Variants in GEMIN2 observed in about 807,000 individuals in gnomAD.
GEMIN2 encodes gem-associated protein 2.
In GEMIN2, 37 loss-of-function variants were observed where a neutral mutation model predicts 45.8. The ratio of observed to expected loss-of-function variants is 0.81; its 90% CI spans 0.62 to 1.06. The LOEUF is 1.06. Among genes scored for constraint, GEMIN2 ranks in the 50% least tolerant of loss-of-function variants. The pLI is 0.00. For missense variants in GEMIN2, 335 were observed against 321.8 expected, an observed-to-expected ratio of 1.04 and a Z score of -0.31; for synonymous variants, 101 against 111.5, an observed-to-expected ratio of 0.91 and a Z score of 0.60.
chr14:39,134,871 C>T (rs2052763221), intron 9 of GEMIN2, among the ~76,000 whole-genome samples: 1 of 152,190 alleles, frequency 6.6e-6, no homozygotes, highest in South Asian at 2.1e-4. Context: ...TAATACCTAC[C>T]TCATCTGTTG....
At chr14:39,127,090 CT>C (rs35988558) in intron 6 of GEMIN2, among the ~76,000 whole-genome samples, 144 of 124,552 alleles carry the variant, frequency 1.2e-3, no homozygotes, top group South Asian at 1.6e-3. Flanking sequence ...ACAAATACAT[CT>C]TTTTTTTTTT....
At chr14:39,129,472 A>G (rs1413332180) in intron 7 of GEMIN2, among the ~76,000 whole-genome samples, 2 of 151,968 alleles carry the variant, frequency 1.3e-5, no homozygotes, top group African/African-American at 4.8e-5. Context: ...GGAGTGCAGT[A>G]GCGCGATCTC....
At chr14:39,126,024 A>G (rs1300394935) in intron 6 of GEMIN2, among the ~76,000 whole-genome samples, 6 of 152,090 alleles carry the variant, frequency 3.9e-5, no homozygotes, top group Non-Finnish European at 7.4e-5. Context: ...TGTCTCAAAA[A>G]AAAAAAAAAG....
In GEMIN2 at chr14:39,118,460, T is replaced by C. The variant is rs1182521321; in HGVS notation, c.313-80T>C. The C allele has an allele frequency of 3.7e-5, 28 of 760,184 alleles. 1 individual carries two copies. In the South Asian group the frequency reaches 4.0e-4, roughly 11 times the overall value. 47.1% of individuals were successfully genotyped at this position (760,184 alleles called of 1,614,324 possible). ...TTCCCATTTTTCAAGTTTTAGATGG[T>C]TACAATTTTGTGCAGAAACTGATTT... On this transcript the variant is annotated intron_variant, in intron 3 of 9. Coordinates refer to ENST00000308317, the MANE Select transcript of GEMIN2 (RefSeq NM_003616.3).
intron 3 of GEMIN2, 74 bp from the exon 4 acceptor site, chr14:39,118,466 T>G: frequency 2.6e-6 from 2 of 773,716 alleles, no homozygotes; most frequent in Non-Finnish European, 2.3e-6. Flanking sequence ...ATGGTTACAA[T>G]TTTGTGCAGA....
Position 39,114,352 on chromosome 14 carries a change from C to T in GEMIN2, c.14C>T (p.Pro5Leu), listed in dbSNP as rs1291104477. Residue 5 changes from proline (P) to leucine (L), a missense_variant, in exon 1 of 10, where the codon CCA (proline) becomes CTA (leucine). By Grantham distance (98) the Pro-to-Leu change is moderately conservative (BLOSUM62 -3). Transcript: ENST00000308317. Reference sequence around the variant, plus strand: ...GGTTTGAAAACCATGGCGTGGGTACCAGCGGAGTCCGCAGTGGAAGAGTTG... The same window carrying T: ...GGTTTGAAAACCATGGCGTGGGTACTAGCGGAGTCCGCAGTGGAAGAGTTG... MAWV[P>L]AESAVEELMP... is the part of the protein sequence containing the mutation. 2 of 1,613,930 alleles carry T rather than the reference C, an allele frequency of 1.2e-6. No homozygotes were observed. Among genetic ancestry groups the T allele is most frequent in the Non-Finnish European group, 1.7e-6 (2 of 1,179,806 alleles).
At chr14:39,133,777 G>GT (rs1347077889) in intron 9 of GEMIN2, 58 bp downstream of exon 9, 1 of 934,618 alleles carries the variant, frequency 1.1e-6, no homozygotes, top group Non-Finnish European at 1.6e-6. Flanking sequence ...AGGTTAGATC[G>GT]TATTTATTAC....
intron 5 of GEMIN2, among the ~76,000 whole-genome samples, chr14:39,123,708 A>ATATATATATATATTTTT (rs1555333787): frequency 2.7e-5 from 1 of 37,688 alleles, no homozygotes; most frequent in African/African-American, 1.3e-4. Flanking sequence ...ATATATATAT[A>ATATATATATATATTTTT]TTTTTTTTTT....
intron 2 of GEMIN2, among the ~76,000 whole-genome samples, chr14:39,115,178 G>C (rs1352112853): frequency 2.0e-5 from 3 of 152,100 alleles, no homozygotes; most frequent in African/African-American, 4.8e-5. Flanking sequence ...TCTTTAAATG[G>C]GTTACTTATG....
intron 4 of GEMIN2, among the ~76,000 whole-genome samples, chr14:39,119,482 A>C (rs1159021022): frequency 6.6e-6 from 1 of 152,266 alleles, no homozygotes; most frequent in East Asian, 1.9e-4. Flanking sequence ...TTGTCTCAGG[A>C]CAGTAGTTTT....
At chr14:39,125,887 G>T (rs1292015293) in intron 6 of GEMIN2, among the ~76,000 whole-genome samples, 1 of 151,990 alleles carries the variant, frequency 6.6e-6, no homozygotes, top group Non-Finnish European at 1.5e-5. Flanking sequence ...GGATGTGGAG[G>T]TGTGCACTTG....
At chr14:39,124,665 C>T (rs908549718) in intron 5 of GEMIN2, among the ~76,000 whole-genome samples, 4 of 151,840 alleles carry the variant, frequency 2.6e-5, no homozygotes, top group African/African-American at 7.3e-5. Flanking sequence ...CCTAGCTACT[C>T]GTGAGGCTGA....
chr14:39,120,608 G>GTTTTA (rs10559395), intron 4 of GEMIN2, among the ~76,000 whole-genome samples: 1 of 151,252 alleles, frequency 6.6e-6, no homozygotes, highest in African/African-American at 2.4e-5. Context: ...TCATCGTGAG[G>GTTTTA]TTTTATTTTA....
At chr14:39,115,015 G>A (rs2052483398) in intron 2 of GEMIN2, 102 bp downstream of exon 2, 2 of 680,194 alleles carry the variant, frequency 2.9e-6, no homozygotes, top group East Asian at 5.4e-5. Flanking sequence ...CGTAAGATTT[G>A]ACTACTCCGT....
At chr14:39,123,551 G>A (rs962785814) in intron 5 of GEMIN2, among the ~76,000 whole-genome samples, 1 of 151,354 alleles carries the variant, frequency 6.6e-6, no homozygotes, top group African/African-American at 2.4e-5. Flanking sequence ...AAGAGCTGGG[G>A]AAACAAGCAC....
At chr14:39,123,341 A>G (rs1419383250) in intron 5 of GEMIN2, among the ~76,000 whole-genome samples, 2 of 152,172 alleles carry the variant, frequency 1.3e-5, no homozygotes, top group Non-Finnish European at 2.9e-5. Flanking sequence ...CCAAGAATCA[A>G]TAAAAAGACC....
intron 6 of GEMIN2, among the ~76,000 whole-genome samples, chr14:39,128,020 A>G (rs530614419): frequency 1.4e-5 from 2 of 145,462 alleles, no homozygotes; most frequent in East Asian, 4.2e-4. Flanking sequence ...GTGAGCCAAG[A>G]TCGCACCAGT....
chr14:39,128,444 A>G (rs2052673994), intron 7 of GEMIN2, 96 bp downstream of exon 7: 1 of 563,818 alleles, frequency 1.8e-6, no homozygotes, highest in Admixed American at 2.9e-5. Flanking sequence ...CTATAGGATT[A>G]TAATACTGTA....
chr14:39,118,778 A>T (rs1187831867), intron 4 of GEMIN2, among the ~76,000 whole-genome samples, 179 bp downstream of exon 4: 1 of 150,676 alleles, frequency 6.6e-6, no homozygotes, highest in Non-Finnish European at 1.5e-5. Flanking sequence ...TTTTCATGAC[A>T]AATTTTTTTT....
Sources: allele counts gnomAD v4.1 joint callset (sites outside exome capture counted in the v4.1 genomes callset), GRCh38; gene constraint gnomAD v4.1.1; transcripts MANE v1.5; gene names NCBI Gene and HGNC (gene_info 2026-07-23, HGNC 2026-07-21).